Variants in SLTM observed in about 807,000 individuals in gnomAD.
The protein encoded by SLTM is SAFB-like transcription modulator.
In SLTM, 43 loss-of-function variants were observed where a neutral mutation model predicts 134.6. The ratio of observed to expected loss-of-function variants is 0.32; its 90% CI spans 0.25 to 0.41. The LOEUF is 0.41. Among genes scored for constraint, SLTM ranks in the 10% least tolerant of loss-of-function variants. The pLI is 1.00. For missense variants in SLTM, 1,055 were observed against 1,288.8 expected (o/e 0.82, Z 2.78); for synonymous variants, 424 against 432.3 (o/e 0.98, Z 0.24).
Position 58,933,544 on chromosome 15 carries a change from C to T in SLTM, c.22G>A (p.Val8Met). MAAATGA[V>M]AASAASGQAE... ...TGACCCGAGGCGGCCGAGGCTGCCA[C>T]CGCACCGGTAGCGGCAGCCATCTTA... Residue 8 changes from valine to methionine, a missense_variant, in exon 1 of 21, where the codon GTG becomes ATG. Transcript: ENST00000380516. 6.3e-7 allele frequency: 1 copy of T among 1,595,052 alleles called. No homozygotes were observed. The highest frequency in any genetic ancestry group is 1.1e-5 in the South Asian group (1 of 89,028).
In SLTM at chr15:58,890,447, G is replaced by T. The variant is rs1640720203; in HGVS notation, c.1913C>A (p.Ala638Glu). 1 of 1,613,386 alleles carries T rather than the reference G, an allele frequency of 6.2e-7. No homozygotes were observed. ...TTCTCGCTCTCGACGCTCTCTCTCTGCAATCTCTCTTCGTCTACCAAAAAT... is the reference window on the plus strand; with the variant it reads ...TTCTCGCTCTCGACGCTCTCTCTCTTCAATCTCTCTTCGTCTACCAAAAAT... ...AMELRRRREI[A>E]ERERRERERI... is the part of the protein sequence containing the mutation. The change falls in exon 15 of 21, where the codon GCA (alanine) becomes GAA (glutamate). Residue 638 changes from alanine to glutamate, a missense_variant. Physicochemically the swap from Ala to Glu is moderately radical, Grantham distance 107 (BLOSUM62 -1). Transcript: ENST00000380516.
chr15:58,899,282 A>C lies in SLTM; in HGVS notation c.1058+187T>G. The C allele has an allele frequency of 1.7e-6, 1 of 581,458 alleles. No individual in the cohort carries two copies. 36.0% of individuals were successfully genotyped at this position (581,458 alleles called of 1,614,324 possible). ...TGACATTCGACAATGCAATCAGTAG[A>C]ACACACTGCATTATTATGAAGATCT... On this transcript the variant is annotated intron_variant, in intron 7 of 20. Transcript: ENST00000380516. The surrounding 1 kb of genome is among the most constrained non-coding windows in gnomAD (Gnocchi z 5.0).
Position 58,929,277 on chromosome 15 carries a change from C to T in SLTM, c.250+3079G>A, listed in dbSNP as rs149769161. ...ACAAGCCTGACCAACTGGAGAAACC[C>T]GTCTCTACTAAAAATACAAAATTAG... On this transcript the variant is annotated intron_variant, in intron 2 of 20. Transcript: ENST00000380516. Among the ~76,000 whole-genome samples, 7 of 152,134 alleles carry T rather than the reference C, an allele frequency of 4.6e-5. No homozygotes were observed. In the East Asian group the frequency reaches 1.2e-3, roughly 25 times the overall value.
chr15:58,885,739 G>A (rs1464504557), intron 19 of SLTM, among the ~76,000 whole-genome samples: 8 of 151,916 alleles, frequency 5.3e-5, no homozygotes, highest in South Asian at 2.1e-4. Flanking sequence ...AGCCGAGATC[G>A]CACCACGGCA....
chr15:58,912,217 A>G (rs1329101105), intron 5 of SLTM, among the ~76,000 whole-genome samples: 1 of 151,076 alleles, frequency 6.6e-6, no homozygotes, highest in Non-Finnish European at 1.5e-5. Context: ...CTCCTGCCTC[A>G]GCCTCCTGAG....
chr15:58,888,468 T>C lies in SLTM; in HGVS notation c.2292A>G (p.Gln764=), dbSNP rs767534499. The C allele has an allele frequency of 6.2e-7, 1 of 1,614,160 alleles. No individual in the cohort carries two copies. The highest frequency in any genetic ancestry group is 1.1e-5 in the South Asian group (1 of 91,070). Residue 764 remains glutamine (Q), a synonymous_variant, in exon 17 of 21, where the codon CAA becomes CAG. Coordinates refer to ENST00000380516, the MANE Select transcript of SLTM (RefSeq NM_024755.4). The part of the protein sequence containing the change: ...RFGHGSDYSR[Q]QNRFNDFDHR... ...GATCAAAGTCATTAAATCTGTTCTG[T>C]TGGCGAGAGTAGTCGGATCCATGGC...
At chr15:58,898,087 GACCA>G (rs1306633329) in intron 8 of SLTM, 4 of 152,044 alleles carry the variant, frequency 2.6e-5, no homozygotes, top group Non-Finnish European at 5.9e-5. Context: ...TTTTAAGCAA[GACCA>G]ACCAATTCAT....
chr15:58,904,852 A>C, intron 5 of SLTM, among the ~76,000 whole-genome samples: 1 of 152,194 alleles, frequency 6.6e-6, no homozygotes, highest in South Asian at 2.1e-4. Context: ...CTGGGATTAC[A>C]GGTGCGTACC....
At chr15:58,898,742 T>G in intron 8 of SLTM, 61 bp downstream of exon 8, 1 of 1,305,578 alleles carries the variant, frequency 7.7e-7, no homozygotes, top group Non-Finnish European at 1.1e-6. Context: ...GCGCAACTAC[T>G]ACTTTTTAAT....
chr15:58,880,157 T>C (rs776522521), intron 20 of SLTM, 50 bp from the exon 21 acceptor site: 24 of 1,593,110 alleles, frequency 1.5e-5, no homozygotes, highest in African/African-American at 2.7e-5. Context: ...GAACAAATCA[T>C]CACTGCAAAT....
chr15:58,922,547 T>TAC (rs1491193712), intron 2 of SLTM, among the ~76,000 whole-genome samples: 26 of 732 alleles, frequency 0.036, no homozygotes, highest in South Asian at 0.056. Context: ...ATATTTTATA[T>TAC]GTATATAATA....
intron 5 of SLTM, among the ~76,000 whole-genome samples, chr15:58,907,723 A>G (rs1243417864): frequency 6.6e-6 from 1 of 152,232 alleles, no homozygotes; most frequent in African/African-American, 2.4e-5. Context: ...CTAGTAAAAC[A>G]ACACTACAAA....
intron 5 of SLTM, among the ~76,000 whole-genome samples, chr15:58,910,667 C>T (rs1022172620): frequency 2.0e-5 from 3 of 151,738 alleles, no homozygotes; most frequent in African/African-American, 4.8e-5. Flanking sequence ...ATAAAGACCT[C>T]GACTTCCCCT....
chr15:58,917,568 T>C (rs947903262), intron 2 of SLTM, among the ~76,000 whole-genome samples: 12 of 152,232 alleles, frequency 7.9e-5, no homozygotes, highest in African/African-American at 2.4e-4. Context: ...TTTATGCTAA[T>C]TATTTATTTC....
At chr15:58,910,259 C>T (rs547042477) in intron 5 of SLTM, among the ~76,000 whole-genome samples, 3 of 152,112 alleles carry the variant, frequency 2.0e-5, no homozygotes, top group East Asian at 3.9e-4. Flanking sequence ...ACAGCTGAAG[C>T]GAGGTGATTG....
chr15:58,885,676 C>T (rs1459526313), intron 19 of SLTM, among the ~76,000 whole-genome samples: 3 of 152,020 alleles, frequency 2.0e-5, no homozygotes, highest in Non-Finnish European at 4.4e-5. Context: ...CCCAGCTAAT[C>T]GGGAGGCTGA....
At chr15:58,908,394 T>C (rs1049908134) in intron 5 of SLTM, among the ~76,000 whole-genome samples, 1 of 152,034 alleles carries the variant, frequency 6.6e-6, no homozygotes, top group African/African-American at 2.4e-5. Flanking sequence ...TGAGATAGGG[T>C]CTTGCTCTAT....
At chr15:58,881,501 T>TGG (rs1344702054) in intron 20 of SLTM, among the ~76,000 whole-genome samples, 1 of 149,476 alleles carries the variant, frequency 6.7e-6, no homozygotes, top group Non-Finnish European at 1.5e-5. Flanking sequence ...CACTCCAGCT[T>TGG]GGGGGACAGA....
At chr15:58,931,169 T>C (rs1055089088) in intron 2 of SLTM, among the ~76,000 whole-genome samples, 6 of 152,206 alleles carry the variant, frequency 3.9e-5, no homozygotes, top group Non-Finnish European at 7.4e-5. Context: ...ACAGAAAATG[T>C]ATCTCTCAAA....
Sources: gnomAD v4.1 joint callset for allele counts (sites outside exome capture counted in the v4.1 genomes callset) on GRCh38, gnomAD v4.1.1 for gene constraint, Gnocchi (gnomAD v3.1) non-coding constraint, MANE v1.5 for transcripts, NCBI Gene and HGNC (gene_info 2026-07-23, HGNC 2026-07-21) for gene names.